Variants in TTLL10 observed in about 807,000 individuals in gnomAD.
TTLL10 encodes tubulin tyrosine ligase like 10.
TTLL10 carries 61 observed loss-of-function variants against 69.0 expected under a neutral mutation model. That is an observed-to-expected ratio of 0.88 (90% confidence interval 0.72 to 1.09). TTLL10 has a LOEUF of 1.09. Ranked by LOEUF, TTLL10 falls within the 50% of genes least tolerant of loss-of-function variation. The pLI, the probability that TTLL10 is intolerant of heterozygous loss-of-function variation, is 0.00. For missense variants in TTLL10, 962 were observed against 945.9 expected (o/e 1.02, Z -0.22); for synonymous variants, 408 against 393.3 (o/e 1.04, Z -0.44).
At chr1:1,182,584 G>A (rs1032588577) in intron 10 of TTLL10, 138 bp downstream of exon 10, 145 of 976,522 alleles carry the variant, frequency 1.5e-4, no homozygotes, top group Non-Finnish European at 2.2e-4. Context: ...GGTCAGGAAG[G>A]GGCCAGGGCT....
Position 1,197,887 on chromosome 1 carries a change from C to T in TTLL10, c.*40C>T, listed in dbSNP as rs1388989238. The T allele has an allele frequency of 7.2e-7, 1 of 1,392,360 alleles. No homozygotes were observed. The highest frequency in any genetic ancestry group is 1.6e-5 in the South Asian group (1 of 61,730). 86.3% of individuals were successfully genotyped at this position (1,392,360 alleles called of 1,614,324 possible). Reference sequence around the variant, plus strand: ...GCCCAGCGCCCCGCGCCCCGCGCCCCAGCCGTGCTGCCTGCCCTCAGGGAC... The same window carrying T: ...GCCCAGCGCCCCGCGCCCCGCGCCCTAGCCGTGCTGCCTGCCCTCAGGGAC... On this transcript the variant is annotated 3_prime_UTR_variant, in exon 16 of 16. Transcript: ENST00000379289.
rs956409176 is a variant in TTLL10, at chr1:1,180,121, A to G, written c.287A>G (p.His96Arg). 1.2e-6 allele frequency: 2 copies of G among 1,611,526 alleles called. No individual in the cohort carries two copies. Among genetic ancestry groups the G allele is most frequent in the South Asian group, 1.1e-5 (1 of 90,824 alleles). Residue 96 changes from histidine (H) to arginine (R), a missense_variant, in exon 6 of 16, where the codon CAC becomes CGC. Coordinates refer to ENST00000379289, the MANE Select transcript of TTLL10 (RefSeq NM_001130045.2). ...PSQPDHDADG[H>R]CGPDLEGAER... ...CAGCCAGACCACGACGCAGATGGAC[A>G]CTGTGGGCCGGACCTGGAGGGGGCA...
At chr1:1,193,106 C>G (rs1647947167) in intron 13 of TTLL10, among the ~76,000 whole-genome samples, 1 of 152,202 alleles carries the variant, frequency 6.6e-6, no homozygotes, top group African/African-American at 2.4e-5. Flanking sequence ...GCAGGTGGAT[C>G]ACAAGGTCAG....
At position 1,180,765 on chromosome 1, in the gene TTLL10, G is replaced by T. The variant is rs1473172046; in HGVS notation, c.660G>T (p.Lys220Asn). Reference sequence around the variant, plus strand: ...TGCTGTACCAGCTTCCCAACAACAAGCTCCTCACCACCAAGATCGGGCTGC... The same window carrying T: ...TGCTGTACCAGCTTCCCAACAACAATCTCCTCACCACCAAGATCGGGCTGC... ...EQLLYQLPNN[K>N]LLTTKIGLLS... The change falls in exon 8 of 16, where the codon AAG (lysine) becomes AAT (asparagine). Residue 220 changes from lysine (K) to asparagine (N), a missense_variant. Transcript: ENST00000379289. The T allele has an allele frequency of 6.8e-6, 11 of 1,608,872 alleles. No individual in the cohort carries two copies. The highest frequency in any genetic ancestry group is 9.3e-6 in the Non-Finnish European group (11 of 1,178,102).
chr1:1,188,473 T>C (rs1647506969), intron 13 of TTLL10, among the ~76,000 whole-genome samples: 1 of 151,238 alleles, frequency 6.6e-6, no homozygotes, highest in Non-Finnish European at 1.5e-5. Context: ...TGGGGCAATC[T>C]CAGCTCACTG....
Position 1,180,313 on chromosome 1 carries a change from A to T in TTLL10, c.479A>T (p.Tyr160Phe). The stretch of plus-strand genomic sequence containing the variant: ...AGCACCCGGCCGGGGCCCTTCTTCT[A>T]CATTGGAGGCAGCAACGGGGCCACA... ...PHSTRPGPFF[Y>F]IGGSNGATII... Residue 160 changes from tyrosine (Y) to phenylalanine (F), a missense_variant, in exon 6 of 16, where the codon TAC (tyrosine) becomes TTC (phenylalanine). By Grantham distance (22) the Tyr-to-Phe change is conservative (BLOSUM62 3). Coordinates refer to ENST00000379289, the MANE Select transcript of TTLL10 (RefSeq NM_001130045.2). The T allele has an allele frequency of 6.3e-7, 1 of 1,583,092 alleles. No homozygotes were observed. Among genetic ancestry groups the T allele is most frequent in the South Asian group, 1.1e-5 (1 of 87,178 alleles).
At chr1:1,178,354 G>A (rs1646936521) in intron 3 of TTLL10, among the ~76,000 whole-genome samples, 1 of 152,156 alleles carries the variant, frequency 6.6e-6, no homozygotes, top group Non-Finnish European at 1.5e-5. Flanking sequence ...GAGGTCGGGA[G>A]TTTGAGACCA....
At chr1:1,190,458 T>C (rs1003224134) in intron 13 of TTLL10, among the ~76,000 whole-genome samples, 1 of 151,684 alleles carries the variant, frequency 6.6e-6, no homozygotes, top group Non-Finnish European at 1.5e-5. Context: ...GATGGAGTCT[T>C]GCTCTGTCGC....
Position 1,185,016 on chromosome 1 carries a change from G to T in TTLL10, c.1308G>T (p.Thr436=), listed in dbSNP as rs148580902. ...TGTACATGCTGCTGAAGGAGCACAC[G>T]GTGTGGAGCATGGAACACCTCAACC... ...SPLYMLLKEH[T]VWSMEHLNRY... is the part of the protein sequence containing the mutation. The change falls in exon 13 of 16, where the codon ACG becomes ACT. Residue 436 remains threonine, a synonymous_variant. Coordinates refer to ENST00000379289, the MANE Select transcript of TTLL10 (RefSeq NM_001130045.2). This position sits in a 1 kb window ranked among gnomAD's most constrained non-coding sequence, Gnocchi z 6.1. 1.2e-6 allele frequency: 2 copies of T among 1,613,788 alleles called. No homozygotes were observed. The highest frequency in any genetic ancestry group is 2.2e-5 in the East Asian group (1 of 44,900).
chr1:1,187,397 T>C (rs1647421966), intron 13 of TTLL10, among the ~76,000 whole-genome samples: 1 of 152,066 alleles, frequency 6.6e-6, no homozygotes, highest in Admixed American at 6.6e-5. Flanking sequence ...TGGGAGGCCA[T>C]GGTTGTTAGA....
intron 13 of TTLL10, among the ~76,000 whole-genome samples, chr1:1,192,944 A>G (rs568316953): frequency 6.6e-6 from 1 of 152,354 alleles, no homozygotes; most frequent in African/African-American, 2.4e-5. Context: ...AAACTAAAGT[A>G]TCTTTTGTAG....
intron 13 of TTLL10, among the ~76,000 whole-genome samples, chr1:1,194,369 T>C (rs1648048292): frequency 6.6e-6 from 1 of 152,224 alleles, no homozygotes. Flanking sequence ...AGTTGTCTTT[T>C]AGGACAAAAC....
chr1:1,183,845 G>A (rs1300461790), intron 11 of TTLL10, 75 bp from the exon 12 acceptor site: 18 of 1,581,368 alleles, frequency 1.1e-5, no homozygotes, highest in Admixed American at 1.7e-5. Context: ...GAACAGGCCC[G>A]GGGTGGGGTG....
Position 1,179,713 on chromosome 1 carries a change from C to G in TTLL10, c.175C>G (p.Pro59Ala). 6.5e-7 allele frequency: 1 copy of G among 1,550,342 alleles called. No individual in the cohort carries two copies. The highest frequency in any genetic ancestry group is 8.7e-7 in the Non-Finnish European group (1 of 1,146,676). ...ACCGGCCTCACAGCCCGGCCCCTGC[C>G]CTGCACCAGGCCACTGCCCTGTTGG... ...PAPASQPGPC[P>A]APGHCPVGPA... is the part of the protein sequence containing the mutation. The change falls in exon 5 of 16, where the codon CCT (proline) becomes GCT (alanine). Residue 59 changes from proline (P) to alanine (A), a missense_variant. Transcript: ENST00000379289.
At position 1,184,958 on chromosome 1, in the gene TTLL10, T is replaced by C; in HGVS notation, c.1261-11T>C. On this transcript the variant is annotated splice_polypyrimidine_tract_variant and intron_variant, in intron 12 of 15. Transcript: ENST00000379289. The stretch of plus-strand genomic sequence containing the variant: ...TCTGGGAGCCAGTCTCCAGGCACCG[T>C]GTGCCCCCAGTTCATGCAGAAGAAG... 6.2e-7 allele frequency: 1 copy of C among 1,603,552 alleles called. No homozygotes were observed. The highest frequency in any genetic ancestry group is 8.5e-7 in the Non-Finnish European group (1 of 1,175,972).
intron 7 of TTLL10, 23 bp downstream of exon 7, chr1:1,180,624 G>A (rs1647026543): frequency 1.3e-6 from 2 of 1,551,986 alleles, no homozygotes; most frequent in African/African-American, 1.4e-5. Flanking sequence ...GGCACCAGAG[G>A]CGGGCAGCCT....
At position 1,180,805 on chromosome 1, in the gene TTLL10, G is replaced by T. The variant is rs917431583; in HGVS notation, c.700G>T (p.Gly234Ter). 3.2e-5 allele frequency: 52 copies of T among 1,603,230 alleles called. No homozygotes were observed. The highest frequency in any genetic ancestry group is 4.3e-5 in the Non-Finnish European group (51 of 1,175,862). Reference sequence around the variant, plus strand: ...GATCGGGCTGCTCAGCACCCTTCGGGGACGGGCACGGGCCATGAGCAAGGC... The same window carrying T: ...GATCGGGCTGCTCAGCACCCTTCGGTGACGGGCACGGGCCATGAGCAAGGC... The part of the protein sequence containing the change: ...TKIGLLSTLR[G>*]RARAMSKASK... Residue 234 changes from glycine (G) to a stop codon, truncating the protein, a stop_gained, in exon 8 of 16, where the codon GGA becomes TGA. Transcript: ENST00000379289. LOFTEE classifies it high-confidence loss of function.
chr1:1,178,486 G>C (rs771877026), intron 3 of TTLL10, among the ~76,000 whole-genome samples: 1 of 151,868 alleles, frequency 6.6e-6, no homozygotes, highest in Non-Finnish European at 1.5e-5. Flanking sequence ...GCTTGAACCT[G>C]GGAGGCAGAG....
Position 1,180,535 on chromosome 1 carries a change from C to T in TTLL10, c.559C>T (p.Arg187Trp), listed in dbSNP as rs372625238. The change falls in exon 7 of 16, where the codon CGG becomes TGG. Residue 187 changes from arginine to tryptophan, a missense_variant. Coordinates refer to ENST00000379289, the MANE Select transcript of TTLL10 (RefSeq NM_001130045.2). ...CTGGCAGCGCATCCATGACAGCCGC[C>T]GGGACGACTACACGCTGAAGTGGTG... ...KGWQRIHDSR[R>W]DDYTLKWCEV... 3.2e-6 allele frequency: 5 copies of T among 1,553,162 alleles called. No individual in the cohort carries two copies. Among genetic ancestry groups the T allele is most frequent in the East Asian group, 2.4e-5 (1 of 41,348 alleles).
Sources: allele counts gnomAD v4.1 joint callset (sites outside exome capture counted in the v4.1 genomes callset), GRCh38; gene constraint gnomAD v4.1.1; non-coding constraint Gnocchi (gnomAD v3.1); transcripts MANE v1.5; gene names NCBI Gene and HGNC (gene_info 2026-07-23, HGNC 2026-07-21).